The following PARP1 variants were observed in gnomAD, a reference collection of about 807,000 sequenced individuals.
PARP1 encodes poly(ADP-ribose) polymerase 1, also known as poly [ADP-ribose] polymerase 1.
In PARP1, 44 loss-of-function variants were observed where a neutral mutation model predicts 118.7. The ratio of observed to expected loss-of-function variants is 0.37; its 90% CI spans 0.29 to 0.48. PARP1 has a LOEUF of 0.48. Ranked by LOEUF, PARP1 falls within the 20% of genes least tolerant of loss-of-function variation. The probability of loss-of-function intolerance (pLI) is 0.99; values close to 1 mark genes in which losing one functional copy is unlikely to be tolerated. For synonymous variants in PARP1, 492 were observed against 483.2 expected (o/e 1.02, Z -0.24); for missense variants, 1,100 against 1,272.4 (o/e 0.86, Z 2.06).
chr1:226,401,848 A>T (rs1665043819), intron 2 of PARP1: 1 of 707,974 alleles, frequency 1.4e-6, no homozygotes, highest in Non-Finnish European at 2.2e-6. Context: ...CCTCAATTAT[A>T]ACAAATGTAC....
At chr1:226,407,672 G>C (rs2102750061) in intron 1 of PARP1, 138 bp downstream of exon 1, 1 of 796,116 alleles carries the variant, frequency 1.3e-6, no homozygotes, top group Non-Finnish European at 1.8e-6. Flanking sequence ...AGGGGCGGCC[G>C]CGGCCCCATA....
Position 226,362,089 on chromosome 1 carries a change from A to T in PARP1, c.2849-6T>A. The T allele has an allele frequency of 6.4e-7, 1 of 1,552,510 alleles. No individual in the cohort carries two copies. On this transcript the variant is annotated splice_polypyrimidine_tract_variant and splice_region_variant and intron_variant, in intron 21 of 22. Transcript: ENST00000366794. ...AGGGGTAGTTTTGCCCAAACCTGAA[A>T]AACAGAAGTCACAAGTGACATGAAC...
chr1:226,388,584 T>C (rs1021337171), intron 5 of PARP1, 72 bp downstream of exon 5: 11 of 1,079,740 alleles, frequency 1.0e-5, no homozygotes, highest in South Asian at 2.5e-5. Context: ...ACTCCTTGAA[T>C]TGTCTTCCCA....
At chr1:226,407,540 A>C (rs1054558398) in intron 1 of PARP1, among the ~76,000 whole-genome samples, 22 of 152,188 alleles carry the variant, frequency 1.4e-4, no homozygotes, top group African/African-American at 5.1e-4. Context: ...AGAAAGGAGA[A>C]GAGAAGAGGC....
Position 226,374,374 on chromosome 1 carries a change from T to C in PARP1, c.1942-20A>G, listed in dbSNP as rs944799327. The stretch of plus-strand genomic sequence containing the variant: ...TTCATCCTTCAGGAAAAAAGCACAT[T>C]GCTAAGAGACCCAAATCAACAACTC... On this transcript the variant is annotated intron_variant, in intron 13 of 22. Transcript: ENST00000366794. 1.4e-5 allele frequency: 23 copies of C among 1,614,020 alleles called. No homozygotes were observed. Among genetic ancestry groups the C allele is most frequent in the Non-Finnish European group, 1.9e-5 (23 of 1,180,038 alleles).
rs765209990 is a variant in PARP1, at chr1:226,381,084, C to T, written c.1284G>A (p.Leu428=). The part of the protein sequence containing the change: ...KLTGTANKAS[L]CISTKKEVEK... ...TCAACTCACTTTTGGTGCTGATGCACAGGGAAGCCTTGTTGGCCGTCCCCG... is the reference window on the plus strand; with the variant it reads ...TCAACTCACTTTTGGTGCTGATGCATAGGGAAGCCTTGTTGGCCGTCCCCG... The change falls in exon 9 of 23, where the codon CTG becomes CTA. Residue 428 remains leucine, a synonymous_variant. Coordinates refer to ENST00000366794, the MANE Select transcript of PARP1 (RefSeq NM_001618.4). 1 of 1,614,222 alleles carries T rather than the reference C, an allele frequency of 6.2e-7. No individual in the cohort carries two copies. Among genetic ancestry groups the T allele is most frequent in the Non-Finnish European group, 8.5e-7 (1 of 1,180,040 alleles).
chr1:226,402,233 C>T lies in PARP1; in HGVS notation c.267G>A (p.Ala89=), dbSNP rs201586576. 4.9e-5 allele frequency: 79 copies of T among 1,614,208 alleles called. No homozygotes were observed. Among genetic ancestry groups the T allele is most frequent in the Middle Eastern group, 3.3e-4 (2 of 6,060 alleles). Residue 89 remains alanine, a synonymous_variant, in exon 2 of 23, where the codon GCG becomes GCA. Coordinates refer to ENST00000366794, the MANE Select transcript of PARP1 (RefSeq NM_001618.4). ...WDDQQKVKKT[A]EAGGVTGKGQ... is the part of the protein sequence containing the mutation. ...ACACACCTGTCACTCCTCCAGCTTCCGCTGTCTTCTTGACTTTCTGCTGGT... is the reference window on the plus strand; with the variant it reads ...ACACACCTGTCACTCCTCCAGCTTCTGCTGTCTTCTTGACTTTCTGCTGGT...
At chr1:226,379,722 T>C in intron 10 of PARP1, 81 bp from the exon 11 acceptor site, 1 of 1,323,682 alleles carries the variant, frequency 7.6e-7, no homozygotes, top group African/African-American at 1.4e-5. Flanking sequence ...AAATGAGTTG[T>C]TCTCATTCCC....
At position 226,380,357 on chromosome 1, in the gene PARP1, G is replaced by C. The variant is rs989964073; in HGVS notation, c.1301-193C>G. ...CCCTTTTCTAAGGTATGATGAGCCA[G>C]GGCAGCCTTCTCCAAACCATTCTAC... is the stretch of plus-strand genomic sequence containing the variant. On this transcript the variant is annotated intron_variant, in intron 9 of 22. Transcript: ENST00000366794. 3.9e-5 allele frequency among the ~76,000 whole-genome samples: 6 copies of C among 152,126 alleles called. No homozygotes were observed. In the East Asian group the frequency reaches 1.2e-3, roughly 29 times the overall value.
chr1:226,398,668 C>G (rs1239443639), intron 2 of PARP1, among the ~76,000 whole-genome samples: 1 of 152,058 alleles, frequency 6.6e-6, no homozygotes, highest in Admixed American at 6.6e-5. Context: ...TAATAAAATA[C>G]TATATATCTA....
chr1:226,362,982 G>T, intron 21 of PARP1, 117 bp downstream of exon 21: 1 of 773,574 alleles, frequency 1.3e-6, no homozygotes, highest in South Asian at 1.4e-5. Context: ...AAGATAAAAT[G>T]AATCTCCAGC....
chr1:226,379,769 C>A (rs1664568138), intron 10 of PARP1, 128 bp from the exon 11 acceptor site: 4 of 1,369,644 alleles, frequency 2.9e-6, no homozygotes, highest in Non-Finnish European at 1.0e-6. Context: ...ACACACTACT[C>A]CCGCCACCCC....
intron 5 of PARP1, among the ~76,000 whole-genome samples, chr1:226,386,730 C>T (rs979151522): frequency 6.6e-6 from 1 of 152,190 alleles, no homozygotes; most frequent in African/African-American, 2.4e-5. Context: ...CCTCAGAAAT[C>T]AATCCCCAGA....
In PARP1 at chr1:226,408,060, C is replaced by T. The variant is rs1665188748; in HGVS notation, c.-131G>A. On this transcript the variant is annotated 5_prime_UTR_variant, in exon 1 of 23. Transcript: ENST00000366794. ...CGGCCAGAGCCGCCACCGAACACGC[C>T]GCACCGGCCACCGCCGTTCCCTGAT... 10 of 1,331,002 alleles carry T rather than the reference C, an allele frequency of 7.5e-6. No individual in the cohort carries two copies. Among genetic ancestry groups the T allele is most frequent in the South Asian group, 1.2e-5 (1 of 81,860 alleles). The allele number at this position is 1,331,002 out of a possible 1,614,324, so 82.4% of individuals were successfully genotyped here. A position where few individuals can be genotyped will look rare whatever the true frequency, so the allele number is the denominator to read the frequency against.
chr1:226,392,613 T>C lies in PARP1; in HGVS notation c.287-299A>G, dbSNP rs1375588260. 3 of 543,746 alleles carry C rather than the reference T, an allele frequency of 5.5e-6. No homozygotes were observed. The East Asian group carries it at 9.6e-5, about 17-fold the overall frequency. 33.7% of individuals were successfully genotyped at this position (543,746 alleles called of 1,614,324 possible). The stretch of plus-strand genomic sequence containing the variant: ...CTTTCTCTGGAGGCCCCTCCCACAC[T>C]TTAGAAAGCACTTATTAGGTGCTTA... On this transcript the variant is annotated intron_variant, in intron 2 of 22. Coordinates refer to ENST00000366794, the MANE Select transcript of PARP1 (RefSeq NM_001618.4).
chr1:226,377,320 G>C lies in PARP1; in HGVS notation c.1746-17C>G, dbSNP rs750176465. 1.2e-5 allele frequency: 20 copies of C among 1,603,708 alleles called. No individual in the cohort carries two copies. In the Admixed American group the frequency reaches 3.3e-4, roughly 27 times the overall value. On this transcript the variant is annotated splice_polypyrimidine_tract_variant and intron_variant, in intron 12 of 22. Transcript: ENST00000366794. ...ATCCAATACCTGCAGTGGGAAGGAGGGTGTCAGATACACATGTGTGGGTCA... is the reference window on the plus strand; with the variant it reads ...ATCCAATACCTGCAGTGGGAAGGAGCGTGTCAGATACACATGTGTGGGTCA...
rs200470832 is a variant in PARP1 at position 226,386,433 on chromosome 1, C to T, written c.727G>A (p.Asp243Asn). ...TCGTCCTTGATGTTCCAGATCAGGT[C>T]GTTCTGAGCCTATGGACAAGACCCA... ...KLEKALKAQNDLIWNIKDELK... is the reference protein window; with the variant it reads ...KLEKALKAQNNLIWNIKDELK... The change falls in exon 6 of 23, where the codon GAC (aspartate) becomes AAC (asparagine). Residue 243 changes from aspartate to asparagine, a missense_variant. Around this residue, in one of 2 missense-constraint regions of PARP1, gnomAD observed 948 missense variants for 1,031.8 expected, o/e 0.92. Coordinates refer to ENST00000366794, the MANE Select transcript of PARP1 (RefSeq NM_001618.4). 60 of 1,610,218 alleles carry T rather than the reference C, an allele frequency of 3.7e-5. No individual in the cohort carries two copies. Among genetic ancestry groups the T allele is most frequent in the Non-Finnish European group, 4.7e-5 (55 of 1,176,496 alleles).
At chr1:226,371,383 G>T (rs1664379562) in intron 14 of PARP1, among the ~76,000 whole-genome samples, 1 of 152,166 alleles carries the variant, frequency 6.6e-6, no homozygotes, top group South Asian at 2.1e-4. Context: ...TTGGAACAAA[G>T]AACTGAACAA....
intron 15 of PARP1, among the ~76,000 whole-genome samples, chr1:226,368,742 A>C (rs3219119): frequency 6.7e-6 from 1 of 149,420 alleles, no homozygotes; most frequent in Non-Finnish European, 1.5e-5. Context: ...TATAAAATTC[A>C]GTCAGGCTCC....
Sources: gnomAD v4.1 joint callset for allele counts (sites outside exome capture counted in the v4.1 genomes callset) on GRCh38, gnomAD v4.1.1 for gene constraint, gnomAD v4.1.1 regional missense constraint, MANE v1.5 for transcripts, NCBI Gene and HGNC (gene_info 2026-07-23, HGNC 2026-07-21) for gene names.